Variants in FAM177A1 observed in about 807,000 individuals in gnomAD.
FAM177A1 encodes protein FAM177A1.
FAM177A1 carries 22 observed loss-of-function variants against 26.1 expected under a neutral mutation model. The ratio of observed to expected loss-of-function variants is 0.84; its 90% CI spans 0.60 to 1.20. The LOEUF (loss-of-function observed/expected upper bound fraction) is 1.20. FAM177A1 is among the 50% of genes most tolerant of loss of function. The pLI is 0.00. For missense variants in FAM177A1, 296 were observed against 291.1 expected (o/e 1.02, Z -0.12); for synonymous variants, 95 against 99.3 (o/e 0.96, Z 0.26).
intron 2 of FAM177A1, among the ~76,000 whole-genome samples, chr14:35,074,810 G>T (rs767270408): frequency 4.6e-5 from 7 of 151,974 alleles, no homozygotes; most frequent in Non-Finnish European, 5.9e-5. Flanking sequence ...GGGAGGCTGA[G>T]GTGGGTGGAT....
At chr14:35,059,349 A>C (rs138649512) in intron 2 of FAM177A1, among the ~76,000 whole-genome samples, 219 of 152,080 alleles carry the variant, frequency 1.4e-3, no homozygotes, top group African/African-American at 5.1e-3. Context: ...TGTTTTTTTT[A>C]ATCCAATCTA....
chr14:35,055,322 G>T (rs1214072239), intron 2 of FAM177A1, among the ~76,000 whole-genome samples: 2 of 119,148 alleles, frequency 1.7e-5, no homozygotes, highest in Non-Finnish European at 1.8e-5. Context: ...AAAAAAATCG[G>T]ATATTCTACA....
chr14:35,066,299 CT>C (rs1288041612), intron 2 of FAM177A1, among the ~76,000 whole-genome samples: 3 of 151,298 alleles, frequency 2.0e-5, no homozygotes, highest in African/African-American at 7.3e-5. Flanking sequence ...GACTCCTCGG[CT>C]CAAATGATCC....
At chr14:35,076,624 G>A (rs56228866) in intron 2 of FAM177A1, among the ~76,000 whole-genome samples, 3,216 of 151,930 alleles carry the variant, frequency 0.021, 57 homozygotes, top group Non-Finnish European at 0.029. Flanking sequence ...AGAAACAAAC[G>A]AAACTTATCT....
chr14:35,080,305 A>G (rs1443952321), intron 4 of FAM177A1, among the ~76,000 whole-genome samples: 1 of 152,226 alleles, frequency 6.6e-6, no homozygotes, highest in African/African-American at 2.4e-5. Flanking sequence ...TGCTTATGGG[A>G]AAACTAACTA....
chr14:35,051,375 C>G (rs1017726720), intron 1 of FAM177A1, among the ~76,000 whole-genome samples: 3 of 152,060 alleles, frequency 2.0e-5, no homozygotes, highest in African/African-American at 4.8e-5. Flanking sequence ...CCTTGGCCCC[C>G]CAAATTGCTG....
intron 2 of FAM177A1, among the ~76,000 whole-genome samples, chr14:35,060,116 G>C (rs946633334): frequency 6.6e-6 from 1 of 152,006 alleles, no homozygotes; most frequent in Non-Finnish European, 1.5e-5. Flanking sequence ...TGGGCTTACT[G>C]GCATGCACCA....
At chr14:35,049,210 T>A (rs995637079) in intron 1 of FAM177A1, among the ~76,000 whole-genome samples, 2 of 152,058 alleles carry the variant, frequency 1.3e-5, no homozygotes, top group African/African-American at 4.8e-5. Flanking sequence ...TGACATTCTA[T>A]CCAGCAGCTT....
intron 2 of FAM177A1, among the ~76,000 whole-genome samples, chr14:35,063,960 AT>A (rs1160653557): frequency 6.6e-6 from 1 of 150,742 alleles, no homozygotes; most frequent in Non-Finnish European, 1.5e-5. Context: ...AGGCAGGAGA[AT>A]CGCTTGAATC....
chr14:35,076,671 A>G (rs1390126264), intron 2 of FAM177A1, among the ~76,000 whole-genome samples: 2 of 152,176 alleles, frequency 1.3e-5, no homozygotes, highest in Non-Finnish European at 2.9e-5. Flanking sequence ...CACCATTAAA[A>G]GCTCATTTGA....
chr14:35,065,358 T>C (rs1356032602), intron 2 of FAM177A1, among the ~76,000 whole-genome samples: 2 of 86,456 alleles, frequency 2.3e-5, no homozygotes, highest in East Asian at 4.7e-4. Flanking sequence ...CCATTGAATC[T>C]TTTTTTTTTT....
chr14:35,048,506 T>C (rs529295753), intron 1 of FAM177A1, among the ~76,000 whole-genome samples: 1 of 151,348 alleles, frequency 6.6e-6, no homozygotes, highest in South Asian at 2.1e-4. Context: ...AGGTAACTAT[T>C]AAGTTTTGGT....
intron 3 of FAM177A1, among the ~76,000 whole-genome samples, chr14:35,078,320 C>T (rs1342616475): frequency 6.6e-6 from 1 of 152,164 alleles, no homozygotes; most frequent in African/African-American, 2.4e-5. Context: ...CCATTCCCCT[C>T]CTCCAGCCCA....
intron 2 of FAM177A1, 138 bp from the exon 3 acceptor site, chr14:35,077,012 T>C: frequency 1.5e-6 from 1 of 676,228 alleles, no homozygotes; most frequent in Admixed American, 2.5e-5. Flanking sequence ...TTTAAATTGT[T>C]GATTGGATTG....
At chr14:35,053,768 G>C (rs1165306613) in intron 2 of FAM177A1, among the ~76,000 whole-genome samples, 2 of 152,054 alleles carry the variant, frequency 1.3e-5, no homozygotes, top group Non-Finnish European at 2.9e-5. Context: ...GAGGTGGGTG[G>C]ATCACCTGAG....
upstream of FAM177A1, chr14:35,045,338 G>C (rs1444846386): frequency 6.6e-6 from 1 of 152,112 alleles, no homozygotes; most frequent in Non-Finnish European, 1.5e-5. Flanking sequence ...TTGTTTTTAG[G>C]TTCCAGTTAT....
chr14:35,078,433 C>T (rs1265740455), intron 3 of FAM177A1, among the ~76,000 whole-genome samples: 1 of 152,148 alleles, frequency 6.6e-6, no homozygotes, highest in African/African-American at 2.4e-5. Flanking sequence ...CTCACCGTAA[C>T]CTCCACCTCC....
intron 2 of FAM177A1, among the ~76,000 whole-genome samples, chr14:35,058,911 C>T (rs2045104579): frequency 6.6e-6 from 1 of 152,072 alleles, no homozygotes; most frequent in African/African-American, 2.4e-5. Context: ...GTTTTGTCTG[C>T]TACTGATATT....
intron 2 of FAM177A1, among the ~76,000 whole-genome samples, chr14:35,069,389 G>A (rs1252728129): frequency 1.3e-5 from 2 of 151,108 alleles, no homozygotes; most frequent in African/African-American, 4.9e-5. Context: ...GGGTTCAAGC[G>A]ATTCTCCTGC....
Sources: allele counts gnomAD v4.1 joint callset (sites outside exome capture counted in the v4.1 genomes callset), GRCh38; gene constraint gnomAD v4.1.1; transcripts MANE v1.5; gene names NCBI Gene and HGNC (gene_info 2026-07-23, HGNC 2026-07-21).